The following CLSTN2 variants were observed in gnomAD, a reference collection of about 807,000 sequenced individuals.
CLSTN2 encodes calsyntenin-2.
CLSTN2 carries 48 observed loss-of-function variants against 101.2 expected under a neutral mutation model. The observed-to-expected ratio is 0.47, with a 90% CI of 0.38 to 0.60. The LOEUF (loss-of-function observed/expected upper bound fraction) is 0.60. Among genes scored for constraint, CLSTN2 ranks in the 20% least tolerant of loss-of-function variants. The pLI, the probability that CLSTN2 is intolerant of heterozygous loss-of-function variation, is 0.00. For synonymous variants in CLSTN2, 481 were observed against 463.6 expected, an observed-to-expected ratio of 1.04 and a Z score of -0.48; for missense variants, 1,160 against 1,238.2, an observed-to-expected ratio of 0.94 and a Z score of 0.95.
chr3:140,381,837 G>A (rs1362914916), intron 2 of CLSTN2, among the ~76,000 whole-genome samples: 1 of 152,206 alleles, frequency 6.6e-6, no homozygotes, highest in African/African-American at 2.4e-5. Flanking sequence ...AGTCACAGAG[G>A]TCATCTTTGC....
chr3:140,127,271 C>T lies in CLSTN2; in HGVS notation c.110-48680C>T, dbSNP rs112366747. ...TGACCCGGGGCAAATTGCTTAACCT[C>T]CCTGAACTTCTACTTTCTCACCTGT... is the stretch of plus-strand genomic sequence containing the variant. On this transcript the variant is annotated intron_variant, in intron 1 of 16. Coordinates refer to ENST00000458420, the MANE Select transcript of CLSTN2 (RefSeq NM_022131.3). 6.4e-4 allele frequency among the ~76,000 whole-genome samples: 98 copies of T among 152,170 alleles called. 1 individual carries two copies. The highest frequency in any genetic ancestry group is 2.3e-3 in the African/African-American group (97 of 41,522).
intron 1 of CLSTN2, among the ~76,000 whole-genome samples, chr3:140,027,925 A>G (rs2007456471): frequency 6.6e-6 from 1 of 152,190 alleles, no homozygotes; most frequent in South Asian, 2.1e-4. Context: ...CTCGCTTGGT[A>G]ACATTGGGGC....
At chr3:140,523,356 A>T (rs1021072909) in intron 8 of CLSTN2, among the ~76,000 whole-genome samples, 4 of 152,152 alleles carry the variant, frequency 2.6e-5, no homozygotes, top group African/African-American at 9.7e-5. Flanking sequence ...TTAAAACTCC[A>T]GCTGAGGCAG....
chr3:140,371,613 A>G (rs1207927905), intron 2 of CLSTN2, among the ~76,000 whole-genome samples: 1 of 152,180 alleles, frequency 6.6e-6, no homozygotes, highest in Non-Finnish European at 1.5e-5. Context: ...CCATTGTCCC[A>G]TGGAATCCTT....
intron 2 of CLSTN2, among the ~76,000 whole-genome samples, chr3:140,363,532 A>T (rs2087752156): frequency 6.6e-6 from 1 of 152,222 alleles, no homozygotes; most frequent in Non-Finnish European, 1.5e-5. Flanking sequence ...ATTCTCCAAC[A>T]TCACTGATAG....
intron 1 of CLSTN2, among the ~76,000 whole-genome samples, chr3:140,051,313 C>CAAA (rs2007986564): frequency 6.6e-6 from 1 of 152,220 alleles, no homozygotes; most frequent in Non-Finnish European, 1.5e-5. Context: ...AGGACTGTTT[C>CAAA]TGATAAATGA....
chr3:140,087,694 T>C (rs1304890007), intron 1 of CLSTN2, among the ~76,000 whole-genome samples: 1 of 152,192 alleles, frequency 6.6e-6, no homozygotes, highest in Non-Finnish European at 1.5e-5. Context: ...GTGGCTGATA[T>C]AAACAAAATA....
At chr3:140,003,029 T>C (rs992748961) in intron 1 of CLSTN2, among the ~76,000 whole-genome samples, 1 of 152,234 alleles carries the variant, frequency 6.6e-6, no homozygotes, top group African/African-American at 2.4e-5. Flanking sequence ...TTGCTTAGGA[T>C]AGCTTTGGCT....
chr3:140,362,343 A>G (rs2087738222), intron 2 of CLSTN2, among the ~76,000 whole-genome samples: 1 of 152,212 alleles, frequency 6.6e-6, no homozygotes, highest in Non-Finnish European at 1.5e-5. Context: ...CGTAAAACAT[A>G]AAACAATAAA....
rs144420378 is a variant in CLSTN2, at chr3:140,337,205, G to T, written c.233-66424G>T. 1.2e-4 allele frequency among the ~76,000 whole-genome samples: 18 copies of T among 152,292 alleles called. No homozygotes were observed. The South Asian group carries it at 2.1e-3, about 18-fold the overall frequency. Reference sequence around the variant, plus strand: ...GGATCCGTTGAAACAAACACAAACTGGTTAGCTTCCACTACAGAAATTCAT... The same window carrying T: ...GGATCCGTTGAAACAAACACAAACTTGTTAGCTTCCACTACAGAAATTCAT... On this transcript the variant is annotated intron_variant, in intron 2 of 16. Transcript: ENST00000458420.
At chr3:140,234,798 G>A (rs766847016) in intron 2 of CLSTN2, among the ~76,000 whole-genome samples, 1 of 152,110 alleles carries the variant, frequency 6.6e-6, no homozygotes, top group East Asian at 1.9e-4. Flanking sequence ...TTATTGCTCC[G>A]TGTACTGCCC....
chr3:140,403,442 G>A (rs1259176851), intron 2 of CLSTN2, among the ~76,000 whole-genome samples, 187 bp from the exon 3 acceptor site: 1 of 152,166 alleles, frequency 6.6e-6, no homozygotes, highest in Non-Finnish European at 1.5e-5. Context: ...GGTCTGGGTG[G>A]GGCCTGGGAT....
At chr3:139,936,036 G>A (rs1935013695) in intron 1 of CLSTN2, among the ~76,000 whole-genome samples, 1 of 152,168 alleles carries the variant, frequency 6.6e-6, no homozygotes, top group Admixed American at 6.5e-5. Context: ...TAGGCGGCGG[G>A]GTCCGGAAGA....
chr3:140,210,018 C>T (rs2010835579), intron 2 of CLSTN2, among the ~76,000 whole-genome samples: 1 of 152,194 alleles, frequency 6.6e-6, no homozygotes, highest in South Asian at 2.1e-4. Flanking sequence ...AGTGTTGGAC[C>T]AGACAGAAGC....
chr3:140,127,301 T>C (rs556241404), intron 1 of CLSTN2, among the ~76,000 whole-genome samples: 2 of 152,264 alleles, frequency 1.3e-5, no homozygotes, highest in East Asian at 1.9e-4. Flanking sequence ...ACCTGTTAGA[T>C]AGCAATAATA....
rs992137854 is a variant in CLSTN2 at position 139,935,203 on chromosome 3, C to T, written c.-172C>T. The T allele has an allele frequency of 1.2e-5, 4 of 335,190 alleles. No homozygotes were observed. The highest frequency in any genetic ancestry group is 7.9e-4 in the Middle Eastern group (1 of 1,258). 20.8% of individuals were successfully genotyped at this position (335,190 alleles called of 1,614,324 possible). On this transcript the variant is annotated 5_prime_UTR_variant, in exon 1 of 17. Transcript: ENST00000458420. This position sits in a 1 kb window ranked among gnomAD's most constrained non-coding sequence, Gnocchi z 5.5. ...CCGCGCCAGTGAGCGCGGCTGCTGC[C>T]GGCGAGCTAGCGGCGCAGCGGCGGG...
chr3:140,311,410 A>G (rs892878027), intron 2 of CLSTN2, among the ~76,000 whole-genome samples: 4 of 136,290 alleles, frequency 2.9e-5, no homozygotes, highest in Non-Finnish European at 4.5e-5. Context: ...GGTTCAAGCT[A>G]TTCTCCTGCC....
chr3:140,554,302 A>G (rs1935758846), intron 10 of CLSTN2, among the ~76,000 whole-genome samples: 1 of 152,186 alleles, frequency 6.6e-6, no homozygotes, highest in Admixed American at 6.5e-5. Context: ...TGCTCATGAG[A>G]CATCCAACTC....
At chr3:140,062,735 G>A (rs2008228256) in intron 1 of CLSTN2, among the ~76,000 whole-genome samples, 1 of 152,078 alleles carries the variant, frequency 6.6e-6, no homozygotes, top group South Asian at 2.1e-4. Flanking sequence ...TAGTAGGGTG[G>A]GAAAACTTGG....
Sources: gnomAD v4.1 joint callset for allele counts (sites outside exome capture counted in the v4.1 genomes callset) on GRCh38, gnomAD v4.1.1 for gene constraint, Gnocchi (gnomAD v3.1) non-coding constraint, MANE v1.5 for transcripts, NCBI Gene and HGNC (gene_info 2026-07-23, HGNC 2026-07-21) for gene names.